Variants in CDH4 observed in about 807,000 individuals in gnomAD.
CDH4 encodes cadherin 4, also known as cadherin-4.
CDH4 carries 33 observed loss-of-function variants against 86.0 expected under a neutral mutation model. The observed-to-expected ratio is 0.38, with a 90% CI of 0.29 to 0.51. The LOEUF is 0.51. Among genes scored for constraint, CDH4 ranks in the 20% least tolerant of loss-of-function variants. The probability of loss-of-function intolerance (pLI) is 0.86; values close to 1 mark genes in which losing one functional copy is unlikely to be tolerated. For synonymous variants in CDH4, 555 were observed against 549.4 expected, an observed-to-expected ratio of 1.01 and a Z score of -0.14; for missense variants, 1,114 against 1,307.4, an observed-to-expected ratio of 0.85 and a Z score of 2.28.
At chr20:61,774,851 G>A (rs1010120485) in intron 4 of CDH4, among the ~76,000 whole-genome samples, 4 of 152,202 alleles carry the variant, frequency 2.6e-5, no homozygotes, top group African/African-American at 4.8e-5. Flanking sequence ...CAAAGGACAT[G>A]ATCTCGTTCC....
intron 2 of CDH4, among the ~76,000 whole-genome samples, chr20:61,317,562 C>T (rs554215976): frequency 1.1e-4 from 17 of 152,270 alleles, no homozygotes; most frequent in South Asian, 2.1e-4. Flanking sequence ...GGTTTCCTGA[C>T]GCCACAGGCA....
chr20:61,787,316 G>C (rs989864129), intron 4 of CDH4, among the ~76,000 whole-genome samples: 8 of 152,210 alleles, frequency 5.3e-5, no homozygotes, highest in East Asian at 1.9e-4. Flanking sequence ...GAGGCCTCAG[G>C]AAACTTATAA....
At chr20:61,441,936 A>G (rs1358777141) in intron 2 of CDH4, among the ~76,000 whole-genome samples, 1 of 152,150 alleles carries the variant, frequency 6.6e-6, no homozygotes, top group African/African-American at 2.4e-5. Context: ...CTAACAGGAC[A>G]TAGCTTCAGA....
At chr20:61,764,004 G>A (rs2088669586) in intron 3 of CDH4, among the ~76,000 whole-genome samples, 1 of 152,230 alleles carries the variant, frequency 6.6e-6, no homozygotes, top group African/African-American at 2.4e-5. Flanking sequence ...GCTTGCGAGT[G>A]ATGAGGGGAG....
intron 3 of CDH4, among the ~76,000 whole-genome samples, chr20:61,771,251 C>A (rs1170745469): frequency 6.6e-6 from 1 of 151,580 alleles, no homozygotes; most frequent in Non-Finnish European, 1.5e-5. Context: ...CTCAGGTGAT[C>A]CAGCTGTCTT....
At chr20:61,921,765 A>T (rs1311824906) in intron 9 of CDH4, among the ~76,000 whole-genome samples, 1 of 116,934 alleles carries the variant, frequency 8.6e-6, no homozygotes, top group Non-Finnish European at 2.0e-5. Flanking sequence ...AAAAAAAAAA[A>T]AAAATCAAAG....
intron 2 of CDH4, among the ~76,000 whole-genome samples, chr20:61,636,279 G>A (rs944273): frequency 0.14 from 21,955 of 152,200 alleles, 1,685 homozygotes; most frequent in South Asian, 0.27. Context: ...GCCTCTCAAT[G>A]GAATGTGGCA....
intron 8 of CDH4, among the ~76,000 whole-genome samples, chr20:61,899,095 G>A (rs1465349189): frequency 6.6e-6 from 1 of 152,046 alleles, no homozygotes; most frequent in African/African-American, 2.4e-5. Flanking sequence ...CGGAGTTCAA[G>A]ACCAGCCTGG....
intron 2 of CDH4, among the ~76,000 whole-genome samples, chr20:61,540,638 A>C (rs1600741251): frequency 6.6e-6 from 1 of 152,312 alleles, no homozygotes. Flanking sequence ...TTATAAAGCC[A>C]CATGAAGGAG....
intron 2 of CDH4, among the ~76,000 whole-genome samples, chr20:61,432,022 C>T (rs2145516920): frequency 6.6e-6 from 1 of 152,338 alleles, no homozygotes; most frequent in East Asian, 1.9e-4. Context: ...ATGGAGCACA[C>T]ATTCTCTGTA....
intron 6 of CDH4, among the ~76,000 whole-genome samples, chr20:61,856,986 C>T (rs1485207618): frequency 6.6e-6 from 1 of 152,252 alleles, no homozygotes. Context: ...ATCCTCTCTG[C>T]TGCAGCCACC....
At chr20:61,427,269 C>T (rs751423926) in intron 2 of CDH4, among the ~76,000 whole-genome samples, 3 of 152,210 alleles carry the variant, frequency 2.0e-5, no homozygotes, top group Non-Finnish European at 4.4e-5. Flanking sequence ...TTTACTGTCT[C>T]TTTTGCACAG....
At chr20:61,825,129 C>T (rs1981249977) in intron 4 of CDH4, among the ~76,000 whole-genome samples, 1 of 151,994 alleles carries the variant, frequency 6.6e-6, no homozygotes, top group African/African-American at 2.4e-5. Flanking sequence ...CTTTATAGGC[C>T]AGACACGCTG....
intron 2 of CDH4, among the ~76,000 whole-genome samples, chr20:61,425,550 C>T (rs1426399711): frequency 2.0e-5 from 3 of 152,228 alleles, no homozygotes; most frequent in African/African-American, 4.8e-5. Flanking sequence ...GCAGGGCAGA[C>T]GCTGCTGTGA....
intron 2 of CDH4, among the ~76,000 whole-genome samples, chr20:61,304,212 C>G (rs2084401757): frequency 6.6e-6 from 1 of 152,134 alleles, no homozygotes; most frequent in South Asian, 2.1e-4. Context: ...TGCCCATCCT[C>G]CGAACGCAGT....
chr20:61,807,134 G>A lies in CDH4; in HGVS notation c.576+33952G>A, dbSNP rs979545694. 2.0e-5 allele frequency among the ~76,000 whole-genome samples: 3 copies of A among 152,270 alleles called. No homozygotes were observed. The highest frequency in any genetic ancestry group is 1.3e-4 in the Admixed American group (2 of 15,294). On this transcript the variant is annotated intron_variant, in intron 4 of 15. Transcript: ENST00000614565. This position sits in a 1 kb window ranked among gnomAD's most constrained non-coding sequence, Gnocchi z 4.5. ...CCCGCAGCCCCGCCAGCCCCCAGCT[G>A]CAAGGCCAGTGGGGCAGGTGCCGGG...
chr20:61,838,227 G>A (rs932870760), intron 4 of CDH4, among the ~76,000 whole-genome samples: 22 of 152,194 alleles, frequency 1.4e-4, no homozygotes, highest in Non-Finnish European at 2.6e-4. Context: ...GAACGGTTGG[G>A]CCCTACCTAC....
At position 61,605,106 on chromosome 20, in the gene CDH4, G is replaced by A. The variant is rs530889374; in HGVS notation, c.170-138457G>A. Among the ~76,000 whole-genome samples, 5 of 152,302 alleles carry A rather than the reference G, an allele frequency of 3.3e-5. No individual in the cohort carries two copies. In the South Asian group the frequency reaches 8.3e-4, roughly 25 times the overall value. On this transcript the variant is annotated intron_variant, in intron 2 of 15. Transcript: ENST00000614565. ...TGCAATTCCACGCACTTGGGAAGAC[G>A]TCACCCTTAAGATTAGGCAATGAGT...
chr20:61,553,716 A>G (rs1029611071), intron 2 of CDH4, among the ~76,000 whole-genome samples: 3 of 152,214 alleles, frequency 2.0e-5, no homozygotes, highest in East Asian at 1.9e-4. Flanking sequence ...GAGAGTATCT[A>G]TCTTTTCCAT....
Sources: gnomAD v4.1 joint callset for allele counts (sites outside exome capture counted in the v4.1 genomes callset) on GRCh38, gnomAD v4.1.1 for gene constraint, Gnocchi (gnomAD v3.1) non-coding constraint, MANE v1.5 for transcripts, NCBI Gene and HGNC (gene_info 2026-07-23, HGNC 2026-07-21) for gene names.